The following ATM variants were observed in gnomAD, a reference collection of about 807,000 sequenced individuals.
ATM encodes the protein serine-protein kinase ATM.
In ATM, 308 loss-of-function variants were observed where a neutral mutation model predicts 387.0. The observed-to-expected ratio is 0.80, with a 90% CI of 0.73 to 0.87. ATM has a LOEUF of 0.87. ATM is among the 40% of genes least tolerant of loss of function. The pLI is 0.00. For synonymous variants in ATM, 1,156 were observed against 1,187.3 expected (o/e 0.97, Z 0.54); for missense variants, 3,312 against 3,560.9 (o/e 0.93, Z 1.78).
intron 4 of ATM, among the ~76,000 whole-genome samples, chr11:108,232,299 A>T (rs1328987403): frequency 6.6e-6 from 1 of 152,086 alleles, no homozygotes; most frequent in African/African-American, 2.4e-5. Context: ...TTGGGGCAAA[A>T]CCAGGGAGTT....
chr11:108,232,766 C>T (rs1241414566), intron 4 of ATM, among the ~76,000 whole-genome samples: 1 of 151,802 alleles, frequency 6.6e-6, no homozygotes, highest in East Asian at 1.9e-4. Context: ...GTCTCAAACT[C>T]CTGGCCTCAA....
At position 108,287,720 on chromosome 11, in the gene ATM, G is replaced by A. The variant is rs2082568277; in HGVS notation, c.4109+5G>A. 6.2e-7 allele frequency: 1 copy of A among 1,602,978 alleles called. No homozygotes were observed. The highest frequency in any genetic ancestry group is 1.3e-5 in the African/African-American group (1 of 74,802). ...TGACCTCTGTGACTTTTCAGGGTAT[G>A]TACATTTTAAACTTAGAGAACTAGC... On this transcript the variant is annotated splice_donor_5th_base_variant and intron_variant, in intron 27 of 62. Coordinates refer to ENST00000675843, the MANE Select transcript of ATM (RefSeq NM_000051.4).
rs1060501668 is a variant in ATM at position 108,326,151 on chromosome 11, G to A, written c.6901G>A (p.Ala2301Thr). The change falls in exon 47 of 63, where the codon GCA becomes ACA. Residue 2301 changes from alanine to threonine, a missense_variant. Coordinates refer to ENST00000675843, the MANE Select transcript of ATM (RefSeq NM_000051.4). Reference sequence around the variant, plus strand: ...GCTGGAAGAAGCACAAGTATTCTGGGCAAAAAAGGAGCAGAGTCTTGCCCT... The same window carrying A: ...GCTGGAAGAAGCACAAGTATTCTGGACAAAAAAGGAGCAGAGTCTTGCCCT... ...WQLEEAQVFW[A>T]KKEQSLALSI... The A allele has an allele frequency of 1.2e-6, 2 of 1,613,996 alleles. No homozygotes were observed. Among genetic ancestry groups the A allele is most frequent in the Admixed American group, 3.3e-5 (2 of 60,018 alleles).
At position 108,316,411 on chromosome 11, in the gene ATM, A is replaced by C. The variant is rs748211140; in HGVS notation, c.6198+298A>C. Among the ~76,000 whole-genome samples the C allele has an allele frequency of 3.4e-4, 51 of 152,202 alleles. 1 individual carries two copies. Among genetic ancestry groups the C allele is most frequent in the Non-Finnish European group, 1.2e-4 (8 of 68,036 alleles). On this transcript the variant is annotated intron_variant, in intron 42 of 62. Coordinates refer to ENST00000675843, the MANE Select transcript of ATM (RefSeq NM_000051.4). ...AACAGAAGACATTGCTCGAGCATAT[A>C]CAATGTGCCAGGTAGTGTACTTACT...
At chr11:108,262,005 G>C (rs1248995524) in intron 16 of ATM, among the ~76,000 whole-genome samples, 1 of 152,212 alleles carries the variant, frequency 6.6e-6, no homozygotes, top group African/African-American at 2.4e-5. Context: ...ATCTACGTCT[G>C]ATTGGTGCAC....
At chr11:108,230,013 C>T (rs2078933369) in intron 4 of ATM, 1 of 152,222 alleles carries the variant, frequency 6.6e-6, no homozygotes, top group Non-Finnish European at 1.5e-5. Flanking sequence ...GTTTAAACTA[C>T]CCAGTCTTGG....
At chr11:108,242,969 T>A (rs2079639657) in intron 5 of ATM, among the ~76,000 whole-genome samples, 1 of 152,062 alleles carries the variant, frequency 6.6e-6, no homozygotes, top group South Asian at 2.1e-4. Context: ...CGTGTAATCC[T>A]AGCACTTTGG....
At chr11:108,280,896 T>C (rs2135662528) in intron 23 of ATM, 99 bp from the exon 24 acceptor site, 2 of 1,112,626 alleles carry the variant, frequency 1.8e-6, no homozygotes, top group East Asian at 2.6e-5. Flanking sequence ...CTGAAATGTG[T>C]ATAGCTTGTC....
At position 108,284,340 on chromosome 11, in the gene ATM, T is replaced by C; in HGVS notation, c.3860T>C (p.Phe1287Ser). ...TGGAAAAGTCTTCTAACAGACTGCTTTCCAAAGATTCTTGTAAATATTCTT... is the reference window on the plus strand; with the variant it reads ...TGGAAAAGTCTTCTAACAGACTGCTCTCCAAAGATTCTTGTAAATATTCTT... ...EDWKSLLTDC[F>S]PKILVNILPY... The change falls in exon 26 of 63, where the codon TTT (phenylalanine) becomes TCT (serine). Residue 1287 changes from phenylalanine to serine, a missense_variant. By Grantham distance (155) the Phe-to-Ser change is radical (BLOSUM62 -2). Transcript: ENST00000675843. The C allele has an allele frequency of 6.2e-7, 1 of 1,614,064 alleles. No individual in the cohort carries two copies. Among genetic ancestry groups the C allele is most frequent in the Non-Finnish European group, 8.5e-7 (1 of 1,179,956 alleles).
intron 21 of ATM, 40 bp from the exon 22 acceptor site, chr11:108,272,682 T>G: frequency 1.9e-6 from 3 of 1,613,486 alleles, no homozygotes; most frequent in Non-Finnish European, 2.5e-6. Context: ...ATGAGTAATT[T>G]TTCTCTATTT....
intron 40 of ATM, among the ~76,000 whole-genome samples, chr11:108,313,953 T>C (rs1209047212): frequency 1.3e-5 from 2 of 152,202 alleles, no homozygotes; most frequent in African/African-American, 2.4e-5. Flanking sequence ...GTGTAAATTT[T>C]ACAACAAAGA....
chr11:108,308,872 ATCT>A, intron 38 of ATM: 1 of 675,668 alleles, frequency 1.5e-6, no homozygotes, highest in Non-Finnish European at 2.5e-6. Flanking sequence ...ATACCAGATT[ATCT>A]TCTGAGGAGG....
At position 108,249,001 on chromosome 11, in the gene ATM, T is replaced by G; in HGVS notation, c.1134T>G (p.Ser378Arg). Residue 378 changes from serine (S) to arginine (R), a missense_variant, in exon 9 of 63, where the codon AGT becomes AGG. By Grantham distance (110) the Ser-to-Arg change is moderately radical. Around this residue, in one of 4 missense-constraint regions of ATM, gnomAD observed 1,791 missense variants for 1,804.5 expected, o/e 0.99. Coordinates refer to ENST00000675843, the MANE Select transcript of ATM (RefSeq NM_000051.4). ...ACACTACTACACAAAGAGAATCTAG[T>G]GATTACAGTGTCCCTTGCAAAAGGA... is the stretch of plus-strand genomic sequence containing the variant. ...QSYTTTQRES[S>R]DYSVPCKRKK... is the part of the protein sequence containing the mutation. 6.2e-7 allele frequency: 1 copy of G among 1,613,352 alleles called. No homozygotes were observed. The highest frequency in any genetic ancestry group is 8.5e-7 in the Non-Finnish European group (1 of 1,179,306).
chr11:108,259,761 T>A (rs1215166509), intron 16 of ATM, among the ~76,000 whole-genome samples: 2 of 152,212 alleles, frequency 1.3e-5, no homozygotes, highest in Non-Finnish European at 2.9e-5. Flanking sequence ...TTGTAGTATT[T>A]ATTTTTCTTC....
intron 37 of ATM, 49 bp from the exon 38 acceptor site, chr11:108,307,848 G>A (rs1300731714): frequency 5.3e-6 from 8 of 1,495,798 alleles, no homozygotes; most frequent in African/African-American, 1.4e-5. Context: ...GGAAGAAGGT[G>A]TGTAAGCAAG....
At chr11:108,318,329 T>C (rs2084926995) in intron 43 of ATM, among the ~76,000 whole-genome samples, 1 of 150,374 alleles carries the variant, frequency 6.7e-6, no homozygotes, top group East Asian at 2.0e-4. Flanking sequence ...ACCACTGCAC[T>C]CCAGCCTGGA....
chr11:108,268,606 T>C lies in ATM; in HGVS notation c.2835T>C (p.His945=). ...TLEPTKSLHL[H]MYLMLLKELP... ...AACCTACCAAATCCCTCCACCTGCA[T>C]ATGGTGAGTTACGTTAAATGAAGAA... The change falls in exon 18 of 63, where the codon CAT becomes CAC. Residue 945 remains histidine (H), a synonymous_variant. Transcript: ENST00000675843. 6.2e-7 allele frequency: 1 copy of C among 1,613,678 alleles called. No homozygotes were observed. Among genetic ancestry groups the C allele is most frequent in the Non-Finnish European group, 8.5e-7 (1 of 1,179,794 alleles).
chr11:108,292,704 T>TA lies in ATM; in HGVS notation c.4523dup (p.Tyr1508Ter), dbSNP rs2135800044. Residue 1508 changes from tyrosine to a stop codon, truncating the protein, a stop_gained and frameshift_variant, in exon 30 of 63, where the codon TAC becomes TAAC. Transcript: ENST00000675843. LOFTEE classifies it high-confidence loss of function. The stretch of plus-strand genomic sequence containing the variant: ...TCAGGTTTGCCAGACAGCCGTGACT[T>TA]ACTGTAAGGATGCTCTAGAAAACCA... ...LSQVCQTAVT[Y>*]CKDALENHLH... 6.2e-7 allele frequency: 1 copy of TA among 1,614,064 alleles called. No homozygotes were observed. The highest frequency in any genetic ancestry group is 8.5e-7 in the Non-Finnish European group (1 of 1,179,974).
rs1189253212 is a variant in ATM, at chr11:108,272,242, T to C, written c.3078-290T>C. Among the ~76,000 whole-genome samples, 6 of 152,190 alleles carry C rather than the reference T, an allele frequency of 3.9e-5. No individual in the cohort carries two copies. In the East Asian group the frequency reaches 1.2e-3, roughly 29 times the overall value. On this transcript the variant is annotated intron_variant, in intron 20 of 62. Coordinates refer to ENST00000675843, the MANE Select transcript of ATM (RefSeq NM_000051.4). ...CTTCAATATACCAAACAAAGAAATT[T>C]CTTTCTAAAGTAAGTTTACTGTAAT...
Sources: gnomAD v4.1 joint callset for allele counts (sites outside exome capture counted in the v4.1 genomes callset) on GRCh38, gnomAD v4.1.1 for gene constraint, gnomAD v4.1.1 regional missense constraint, MANE v1.5 for transcripts, NCBI Gene and HGNC (gene_info 2026-07-23, HGNC 2026-07-21) for gene names.